Variants in CDC25C observed in about 807,000 individuals in gnomAD.
CDC25C encodes cell division cycle 25C.
Under a neutral mutation model 52.5 loss-of-function variants are expected in CDC25C, and 48 were observed. The observed-to-expected ratio is 0.91, with a 90% confidence interval of 0.72 to 1.16. The LOEUF (loss-of-function observed/expected upper bound fraction) is 1.16. CDC25C is among the 50% of genes most tolerant of loss of function. The pLI is 0.00. For missense variants in CDC25C, 510 were observed against 566.1 expected (o/e 0.90, Z 1.01); for synonymous variants, 187 against 206.5 (o/e 0.91, Z 0.81).
intron 7 of CDC25C, among the ~76,000 whole-genome samples, chr5:138,310,114 G>A (rs1758329449): frequency 6.6e-6 from 1 of 152,106 alleles, no homozygotes; most frequent in Non-Finnish European, 1.5e-5. Context: ...TGGCTTTTTA[G>A]CCAGGCTTTG....
Position 138,326,076 on chromosome 5 carries a change from C to T in CDC25C, c.336-22G>A, listed in dbSNP as rs1288522387. On this transcript the variant is annotated intron_variant, in intron 4 of 13. Coordinates refer to ENST00000323760, the MANE Select transcript of CDC25C (RefSeq NM_001790.5). ...ATTCCTGCAGATTAAAACAAACTGC[C>T]TGTCAGGTTAGTCCCAAATACTGTT... 4 of 1,613,230 alleles carry T rather than the reference C, an allele frequency of 2.5e-6. No individual in the cohort carries two copies. In the African/African-American group the frequency reaches 4.0e-5, roughly 16 times the overall value.
intron 4 of CDC25C, among the ~76,000 whole-genome samples, chr5:138,326,970 A>T (rs950055407): frequency 1.3e-5 from 2 of 150,344 alleles, no homozygotes; most frequent in Non-Finnish European, 3.0e-5. Context: ...AAAAAAAAAA[A>T]AAAAGGCTGG....
chr5:138,330,571 G>A (rs767467172), intron 2 of CDC25C, among the ~76,000 whole-genome samples: 2 of 152,032 alleles, frequency 1.3e-5, no homozygotes, highest in Non-Finnish European at 1.5e-5. Context: ...GCAGTGAGGC[G>A]ATCTTGGCTA....
At chr5:138,304,751 T>A (rs2126725019) in intron 7 of CDC25C, among the ~76,000 whole-genome samples, 1 of 152,236 alleles carries the variant, frequency 6.6e-6, no homozygotes, top group East Asian at 1.9e-4. Flanking sequence ...CAAGCAACTC[T>A]CCTGCCTCAG....
At position 138,289,546 on chromosome 5, in the gene CDC25C, G is replaced by A. The variant is rs146428676; in HGVS notation, c.882C>T (p.Thr294=). 34 of 1,613,336 alleles carry A rather than the reference G, an allele frequency of 2.1e-5. No homozygotes were observed. The highest frequency in any genetic ancestry group is 6.7e-5 in the Admixed American group (4 of 59,990). Residue 294 remains threonine (T), a synonymous_variant, in exon 10 of 14, where the codon ACC becomes ACT. Coordinates refer to ENST00000323760, the MANE Select transcript of CDC25C (RefSeq NM_001790.5). The stretch of plus-strand genomic sequence containing the variant: ...TCAGATCTTGGTGTTTCCCTGACAC[G>A]GTTGGCAGCGCACATACCTAGAAAT... ...GDFSKVCALP[T]VSGKHQDLKY... is the part of the protein sequence containing the mutation.
chr5:138,319,370 T>C lies in CDC25C; in HGVS notation c.464A>G (p.Asn155Ser), dbSNP rs752878694. 1 of 1,611,650 alleles carries C rather than the reference T, an allele frequency of 6.2e-7. No homozygotes were observed. Among genetic ancestry groups the C allele is most frequent in the East Asian group, 2.2e-5 (1 of 44,814 alleles). ...CSSSANKEND[N>S]GNLVDSEMKY... ...CATTTCACTGTCCACCAAGTTTCCA[T>C]TGTCCTGTCAAGTATATTGACAACA... The change falls in exon 7 of 14, where the codon AAT becomes AGT. Residue 155 changes from asparagine to serine, a missense_variant. Physicochemically the swap from Asn to Ser is conservative, Grantham distance 46 (BLOSUM62 1). Coordinates refer to ENST00000323760, the MANE Select transcript of CDC25C (RefSeq NM_001790.5).
chr5:138,313,859 G>A (rs1255213933), intron 7 of CDC25C, among the ~76,000 whole-genome samples: 2 of 151,912 alleles, frequency 1.3e-5, no homozygotes, highest in East Asian at 1.9e-4. Flanking sequence ...ATCTATTCCC[G>A]CTGAATCCAC....
At chr5:138,325,689 T>G in intron 6 of CDC25C, 126 bp downstream of exon 6, 2 of 694,270 alleles carry the variant, frequency 2.9e-6, no homozygotes, top group South Asian at 3.8e-5. Context: ...TTTTCTCCCC[T>G]ATAGTAATAC....
intron 7 of CDC25C, among the ~76,000 whole-genome samples, chr5:138,307,490 C>CAAAAAAAAA (rs57593237): frequency 1.7e-3 from 147 of 88,196 alleles, no homozygotes; most frequent in Non-Finnish European, 2.0e-3. Flanking sequence ...GAGACTGCCA[C>CAAAAAAAAA]AAAAAAAAAA....
chr5:138,286,429 G>C (rs1478883378), intron 12 of CDC25C, 68 bp downstream of exon 12: 1 of 1,475,590 alleles, frequency 6.8e-7, no homozygotes, highest in Non-Finnish European at 9.3e-7. Flanking sequence ...GTCTCTGTCT[G>C]AACTGGTGTG....
chr5:138,315,216 C>T (rs1347907289), intron 7 of CDC25C, among the ~76,000 whole-genome samples: 1 of 152,148 alleles, frequency 6.6e-6, no homozygotes, highest in African/African-American at 2.4e-5. Flanking sequence ...AACCACCACG[C>T]CCAGCCTCCT....
At chr5:138,299,061 C>T (rs964220085) in intron 7 of CDC25C, among the ~76,000 whole-genome samples, 2 of 148,670 alleles carry the variant, frequency 1.3e-5, no homozygotes, top group Admixed American at 6.7e-5. Context: ...GGTGTGGTGG[C>T]GGGTGCCTGT....
exon 1 of CDC25C, chr5:138,338,076 T>A: frequency 3.1e-6 from 4 of 1,289,792 alleles, no homozygotes; most frequent in Non-Finnish European, 4.0e-6. Context: ...CATCCCTAAA[T>A]CAAAGCGCCA....
rs758956397 is a variant in CDC25C, at chr5:138,327,253, CA to C, written c.336-1200del. On this transcript the variant is annotated intron_variant, in intron 4 of 13. Transcript: ENST00000323760. ...CTGGCAACAGAGCGAGACTCCATCTCAAAAAAAAAAAAAAATTAATTTCTAT... is the reference window on the plus strand; with the variant it reads ...CTGGCAACAGAGCGAGACTCCATCTCAAAAAAAAAAAAAATTAATTTCTAT... Among the ~76,000 whole-genome samples, 287 of 123,738 alleles carry C rather than the reference CA, an allele frequency of 2.3e-3. 1 individual carries two copies. The highest frequency in any genetic ancestry group is 4.5e-3 in the Middle Eastern group (1 of 224). The allele number at this position is 123,738 out of a possible 152,430, so 81.2% of individuals were successfully genotyped here.
chr5:138,294,823 A>G (rs1757051837), intron 7 of CDC25C, among the ~76,000 whole-genome samples: 1 of 148,400 alleles, frequency 6.7e-6, no homozygotes, highest in South Asian at 2.1e-4. Context: ...TAATTTTCCT[A>G]TTTTTAGTAG....
At chr5:138,336,057 G>A (rs1051659365), upstream of CDC25C, among the ~76,000 whole-genome samples, 3 of 151,646 alleles carry the variant, frequency 2.0e-5, no homozygotes, top group South Asian at 4.2e-4. Context: ...AAGAAAAAAT[G>A]AGAATATATA....
intron 7 of CDC25C, among the ~76,000 whole-genome samples, chr5:138,312,335 A>C (rs1758516040): frequency 1.3e-5 from 2 of 152,194 alleles, no homozygotes; most frequent in Admixed American, 6.5e-5. Context: ...ACATCACTGC[A>C]CTGCAGCCTG....
At position 138,293,752 on chromosome 5, in the gene CDC25C, T is replaced by A. The variant is rs1756933129; in HGVS notation, c.616-1636A>T. ...ACCTCTGCCTCTCAGGCTCAAGCGA[T>A]CCTCCCAACTCAGCCTCCTGAGTAA... On this transcript the variant is annotated intron_variant, in intron 7 of 13. Transcript: ENST00000323760. Among the ~76,000 whole-genome samples, 3 of 151,520 alleles carry A rather than the reference T, an allele frequency of 2.0e-5. No individual in the cohort carries two copies. In the South Asian group the frequency reaches 6.3e-4, roughly 32 times the overall value.
At chr5:138,291,496 G>A (rs1756709186) in intron 8 of CDC25C, among the ~76,000 whole-genome samples, 1 of 148,658 alleles carries the variant, frequency 6.7e-6, no homozygotes, top group African/African-American at 2.5e-5. Context: ...TTGGCTCACT[G>A]CAACCTCCAC....
Sources: gnomAD v4.1 joint callset for allele counts (sites outside exome capture counted in the v4.1 genomes callset) on GRCh38, gnomAD v4.1.1 for gene constraint, MANE v1.5 for transcripts, NCBI Gene and HGNC (gene_info 2026-07-23, HGNC 2026-07-21) for gene names.